Variants in AVEN observed in about 807,000 individuals in gnomAD.
AVEN encodes apoptosis and caspase activation inhibitor, also known as cell death regulator Aven.
Under a neutral mutation model 38.1 loss-of-function variants are expected in AVEN, and 41 were observed. That is an observed-to-expected ratio of 1.08 (90% CI 0.84 to 1.40). The LOEUF is 1.40. Among genes scored for constraint, AVEN ranks in the 40% most tolerant of loss-of-function variants. The probability of loss-of-function intolerance (pLI) is 0.00; values close to 1 mark genes in which losing one functional copy is unlikely to be tolerated. For synonymous variants in AVEN, 206 were observed against 171.8 expected (o/e 1.20, Z -1.56); for missense variants, 605 against 438.8 (o/e 1.38, Z -3.38).
chr15:34,015,157 G>A (rs1301715735), intron 1 of AVEN, among the ~76,000 whole-genome samples: 1 of 152,118 alleles, frequency 6.6e-6, no homozygotes, highest in South Asian at 2.1e-4. Context: ...TTATCATAAG[G>A]AAAAAGATAA....
chr15:33,934,603 C>T (rs1273595615), intron 2 of AVEN, among the ~76,000 whole-genome samples: 1 of 152,194 alleles, frequency 6.6e-6, no homozygotes, highest in Non-Finnish European at 1.5e-5. Context: ...CTCTGCAGCA[C>T]TCTAATGTCC....
At chr15:34,062,965 C>G in exon 5 of AVEN, 1 of 1,613,946 alleles carries the variant, frequency 6.2e-7, no homozygotes, top group African/African-American at 1.3e-5. Flanking sequence ...GGAATCTTCT[C>G]CATGAACCTC....
rs774635666 is a variant in AVEN at position 33,866,684 on chromosome 15, C to T, written c.1018G>A (p.Glu340Lys). 38 of 1,613,912 alleles carry T rather than the reference C, an allele frequency of 2.4e-5. No homozygotes were observed. The highest frequency in any genetic ancestry group is 2.9e-5 in the Non-Finnish European group (34 of 1,179,940). Residue 340 changes from glutamate to lysine, a missense_variant, in exon 6 of 6, where the codon GAG becomes AAG. Transcript: ENST00000306730. Reference sequence around the variant, plus strand: ...ACATTTTTGGAGGTACTTGGTTGCTCAGGTTCCATGTTTTTTTCTTCAGTC... The same window carrying T: ...ACATTTTTGGAGGTACTTGGTTGCTTAGGTTCCATGTTTTTTTCTTCAGTC... ...SVTEEKNMEP[E>K]QPSTSKNVTE...
chr15:33,981,610 G>A (rs534879504), intron 2 of AVEN, among the ~76,000 whole-genome samples: 8 of 152,286 alleles, frequency 5.3e-5, no homozygotes, highest in South Asian at 4.1e-4. Flanking sequence ...CACAGGGGGC[G>A]AGAGTGCAAT....
downstream of AVEN, chr15:33,866,065 A>G (rs1044129): frequency 0.61 from 95,221 of 154,892 alleles, 31,527 homozygotes; most frequent in Non-Finnish European, 0.74. Context: ...CTCAAATACA[A>G]TGAAGTGCCC....
At chr15:34,072,805 C>T (rs1326783746) in intron 1 of AVEN, among the ~76,000 whole-genome samples, 2 of 150,406 alleles carry the variant, frequency 1.3e-5, no homozygotes, top group Admixed American at 1.3e-4. Flanking sequence ...TACACCACCA[C>T]ACTCAGCTAA....
chr15:33,902,238 CCAA>C (rs1276077759), intron 2 of AVEN, among the ~76,000 whole-genome samples: 4 of 152,112 alleles, frequency 2.6e-5, no homozygotes, highest in Non-Finnish European at 4.4e-5. Context: ...GATGACATCA[CCAA>C]CAAGTGAGAT....
At chr15:34,032,715 A>G (rs897004688) in intron 1 of AVEN, among the ~76,000 whole-genome samples, 5 of 152,192 alleles carry the variant, frequency 3.3e-5, no homozygotes, top group African/African-American at 1.2e-4. Context: ...GTCTTTCCCA[A>G]AAGCAGTCTA....
rs1214012533 is a variant in AVEN at position 34,063,784 on chromosome 15, A to G, written n.1127-352T>C. On this transcript the variant is annotated intron_variant and non_coding_transcript_variant, in intron 4 of 11. Coordinates refer to the AVEN transcript ENST00000675287. This position sits in a 1 kb window ranked among gnomAD's most constrained non-coding sequence, Gnocchi z 4.1. The stretch of plus-strand genomic sequence containing the variant: ...AAAGCTGAAACTGAAAAAAGTGACT[A>G]TGACACCCCAAACTACCTTCTGTCT... 1 of 1,614,238 alleles carries G rather than the reference A, an allele frequency of 6.2e-7. No individual in the cohort carries two copies. Among genetic ancestry groups the G allele is most frequent in the Non-Finnish European group, 8.5e-7 (1 of 1,180,044 alleles).
chr15:33,855,290 C>G (rs1294191478), downstream of AVEN, among the ~76,000 whole-genome samples: 1 of 152,094 alleles, frequency 6.6e-6, no homozygotes, highest in Non-Finnish European at 1.5e-5. Context: ...CTCCGACTCC[C>G]AGGTCCCAGT....
intron 2 of AVEN, among the ~76,000 whole-genome samples, chr15:33,938,442 A>G (rs892414581): frequency 6.6e-6 from 1 of 152,086 alleles, no homozygotes. Flanking sequence ...GTGACAGAGC[A>G]AGACTCCGTC....
chr15:34,015,437 GCA>G (rs1897851257), intron 1 of AVEN, among the ~76,000 whole-genome samples: 1 of 151,664 alleles, frequency 6.6e-6, no homozygotes, highest in Non-Finnish European at 1.5e-5. Context: ...AGCCGAGATC[GCA>G]CCACTGCACT....
intron 2 of AVEN, among the ~76,000 whole-genome samples, chr15:33,880,280 C>A (rs982612230): frequency 2.0e-5 from 3 of 152,018 alleles, no homozygotes; most frequent in Admixed American, 2.0e-4. Flanking sequence ...AGAAGAGAAG[C>A]AAACAAGGAG....
At chr15:33,963,939 A>G (rs1895293755) in intron 2 of AVEN, among the ~76,000 whole-genome samples, 2 of 152,114 alleles carry the variant, frequency 1.3e-5, no homozygotes, top group Admixed American at 6.5e-5. Context: ...ATCTCGCTAC[A>G]GAGAGTATTA....
At chr15:33,855,223 T>G (rs2079527988), downstream of AVEN, among the ~76,000 whole-genome samples, 1 of 150,928 alleles carries the variant, frequency 6.6e-6, no homozygotes, top group Admixed American at 6.6e-5. Context: ...TTTGTGACGG[T>G]GTCTCGCTGT....
chr15:33,989,885 G>A (rs1463039033), intron 2 of AVEN, among the ~76,000 whole-genome samples: 3 of 150,060 alleles, frequency 2.0e-5, no homozygotes, highest in Non-Finnish European at 4.4e-5. Context: ...CAATTGAGAC[G>A]GATACACTAG....
intron 2 of AVEN, among the ~76,000 whole-genome samples, chr15:33,993,432 C>A (rs1896808636): frequency 6.6e-6 from 1 of 152,090 alleles, no homozygotes; most frequent in Non-Finnish European, 1.5e-5. Context: ...GAGAGTGTCA[C>A]TGTCAGTGGT....
At chr15:33,962,281 A>G (rs972717505) in intron 2 of AVEN, among the ~76,000 whole-genome samples, 1 of 152,240 alleles carries the variant, frequency 6.6e-6, no homozygotes, top group Non-Finnish European at 1.5e-5. Context: ...CAAGTATTTC[A>G]GAAGGTAAGA....
chr15:34,063,215 C>T lies in AVEN; in HGVS notation n.1344G>A. 1 of 1,614,194 alleles carries T rather than the reference C, an allele frequency of 6.2e-7. No individual in the cohort carries two copies. The highest frequency in any genetic ancestry group is 8.5e-7 in the Non-Finnish European group (1 of 1,180,032). ...CCTTCATCCTCTGGGCCCCAGCAATCCTCTGCTGGCAGTACTTGGTTGGGA... is the reference window on the plus strand; with the variant it reads ...CCTTCATCCTCTGGGCCCCAGCAATTCTCTGCTGGCAGTACTTGGTTGGGA... On this transcript the variant is annotated non_coding_transcript_exon_variant, in exon 5 of 12. Coordinates refer to the AVEN transcript ENST00000675287. The surrounding 1 kb of genome is among the most constrained non-coding windows in gnomAD (Gnocchi z 4.1).
Sources: gnomAD v4.1 joint callset for allele counts (sites outside exome capture counted in the v4.1 genomes callset) on GRCh38, gnomAD v4.1.1 for gene constraint, Gnocchi (gnomAD v3.1) non-coding constraint, MANE v1.5 for transcripts, NCBI Gene and HGNC (gene_info 2026-07-23, HGNC 2026-07-21) for gene names.